The following CCSER2 variants were observed in gnomAD, a reference collection of about 807,000 sequenced individuals.
CCSER2 encodes the protein serine-rich coiled-coil domain-containing protein 2.
In CCSER2, 46 loss-of-function variants were observed where a neutral mutation model predicts 92.3. The observed-to-expected ratio is 0.50, with a 90% CI of 0.39 to 0.64. The LOEUF is 0.64. CCSER2 is among the 30% of genes least tolerant of loss of function. CCSER2 has a pLI of 0.00. For missense variants in CCSER2, 1,244 were observed against 1,238.9 expected (o/e 1.00, Z -0.06); for synonymous variants, 433 against 431.4 (o/e 1.00, Z -0.04).
intron 6 of CCSER2, among the ~76,000 whole-genome samples, chr10:84,449,525 T>C (rs1301405083): frequency 6.6e-6 from 1 of 152,174 alleles, no homozygotes. Flanking sequence ...ACTTCAGGAC[T>C]GTTGTGAAGA....
intron 1 of CCSER2, among the ~76,000 whole-genome samples, chr10:84,335,588 T>C (rs754027209): frequency 5.9e-5 from 9 of 152,092 alleles, no homozygotes; most frequent in Non-Finnish European, 1.0e-4. Flanking sequence ...TCCTGTTTTT[T>C]TGAGTTGCCT....
chr10:84,361,507 A>G (rs1589442345), intron 1 of CCSER2, among the ~76,000 whole-genome samples: 1 of 152,144 alleles, frequency 6.6e-6, no homozygotes, highest in East Asian at 1.9e-4. Flanking sequence ...ATGGAATCAC[A>G]CTATATTTAT....
intron 9 of CCSER2, among the ~76,000 whole-genome samples, chr10:84,483,222 G>A (rs1423140782): frequency 3.3e-5 from 5 of 152,006 alleles, no homozygotes; most frequent in South Asian, 2.1e-4. Context: ...GAGAAACCCC[G>A]TCTCTACTAA....
At chr10:84,486,770 A>G (rs959386772) in intron 9 of CCSER2, among the ~76,000 whole-genome samples, 9 of 152,040 alleles carry the variant, frequency 5.9e-5, no homozygotes, top group East Asian at 1.9e-4. Flanking sequence ...TGTCTATTTT[A>G]GCTTTTATTG....
At chr10:84,445,006 A>G (rs1158658505) in intron 6 of CCSER2, among the ~76,000 whole-genome samples, 2 of 152,222 alleles carry the variant, frequency 1.3e-5, no homozygotes, top group Non-Finnish European at 2.9e-5. Context: ...TGTAGAGTGC[A>G]TTTTAAACTC....
intron 9 of CCSER2, among the ~76,000 whole-genome samples, chr10:84,496,317 G>A (rs557094459): frequency 6.6e-6 from 1 of 152,188 alleles, no homozygotes; most frequent in Admixed American, 6.5e-5. Flanking sequence ...ACGGAGTCTC[G>A]CTCTGTCGCC....
In CCSER2 at chr10:84,371,446, G is replaced by T. The variant is rs373752220; in HGVS notation, c.394G>T (p.Val132Leu). The change falls in exon 2 of 10, where the codon GTG (valine) becomes TTG (leucine). Residue 132 changes from valine to leucine, a missense_variant. Val to Leu is a conservative substitution (Grantham distance 32). Coordinates refer to ENST00000372088, the MANE Select transcript of CCSER2 (RefSeq NM_001284240.2). The stretch of plus-strand genomic sequence containing the variant: ...GTTAGCAAAGCCATCCACTATGTTT[G>T]TGTCATCTACAGAGGAGTTAAACCA... ...SKLAKPSTMF[V>L]SSTEELNQKS... 2.5e-6 allele frequency: 4 copies of T among 1,613,678 alleles called. No homozygotes were observed. In the African/African-American group the frequency reaches 5.3e-5, roughly 22 times the overall value.
chr10:84,498,585 T>A (rs935227323), intron 9 of CCSER2, among the ~76,000 whole-genome samples: 4 of 152,110 alleles, frequency 2.6e-5, no homozygotes, highest in Admixed American at 2.6e-4. Flanking sequence ...GTGAGAAAAA[T>A]TTTTTTCATT....
intron 7 of CCSER2, among the ~76,000 whole-genome samples, chr10:84,465,292 A>T (rs1337206403): frequency 1.6e-5 from 2 of 124,052 alleles, no homozygotes; most frequent in Non-Finnish European, 1.7e-5. Flanking sequence ...TGTGTGTGTG[A>T]AAAAGTTTTT....
intron 8 of CCSER2, among the ~76,000 whole-genome samples, 199 bp downstream of exon 8, chr10:84,470,657 A>G (rs879268960): frequency 2.0e-5 from 3 of 152,108 alleles, no homozygotes; most frequent in Non-Finnish European, 4.4e-5. Context: ...TTGGTTTGGA[A>G]AATTCTTCAT....
intron 3 of CCSER2, among the ~76,000 whole-genome samples, chr10:84,415,277 T>C (rs374752605): frequency 2.0e-5 from 3 of 152,254 alleles, no homozygotes; most frequent in African/African-American, 4.8e-5. Context: ...CTCATATTTA[T>C]GGGCTTATCT....
intron 4 of CCSER2, among the ~76,000 whole-genome samples, chr10:84,419,559 A>C (rs971584120): frequency 2.0e-5 from 3 of 152,104 alleles, no homozygotes; most frequent in African/African-American, 7.2e-5. Flanking sequence ...TGCATGTATA[A>C]TTCTGTAAGG....
In CCSER2 at chr10:84,371,910, G is replaced by A. The variant is rs1402802984; in HGVS notation, c.858G>A (p.Leu286=). Residue 286 remains leucine, a synonymous_variant, in exon 2 of 10, where the codon TTG becomes TTA. Coordinates refer to ENST00000372088, the MANE Select transcript of CCSER2 (RefSeq NM_001284240.2). ...AAGTACTCAATGGGAATGAACATTT[G>A]GGGTATGGATTTAATAGGCCTTATG... ...QPEVLNGNEH[L]GYGFNRPYAA... 6.2e-7 allele frequency: 1 copy of A among 1,613,850 alleles called. No individual in the cohort carries two copies. The highest frequency in any genetic ancestry group is 2.2e-5 in the East Asian group (1 of 44,870).
intron 7 of CCSER2, among the ~76,000 whole-genome samples, chr10:84,469,626 C>G (rs1324124014): frequency 6.6e-6 from 1 of 152,102 alleles, no homozygotes; most frequent in Non-Finnish European, 1.5e-5. Context: ...ATATTACCTT[C>G]TCTTTTGGAT....
chr10:84,414,763 C>A (rs1035951202), intron 3 of CCSER2, among the ~76,000 whole-genome samples: 1 of 152,196 alleles, frequency 6.6e-6, no homozygotes, highest in Non-Finnish European at 1.5e-5. Context: ...TCCATTCTCC[C>A]CATCTCTTTC....
chr10:84,398,268 T>C (rs1347528436), intron 3 of CCSER2, among the ~76,000 whole-genome samples: 1 of 152,144 alleles, frequency 6.6e-6, no homozygotes, highest in Non-Finnish European at 1.5e-5. Context: ...GTCTTCTGCC[T>C]CCCTCTTCCA....
intron 6 of CCSER2, among the ~76,000 whole-genome samples, chr10:84,449,842 C>T (rs1030002066): frequency 5.9e-5 from 9 of 152,072 alleles, no homozygotes; most frequent in African/African-American, 1.2e-4. Context: ...AGCAAAACTC[C>T]GTCTCAAAAA....
chr10:84,347,415 C>T (rs937825432), intron 1 of CCSER2, among the ~76,000 whole-genome samples: 80 of 148,088 alleles, frequency 5.4e-4, no homozygotes, highest in African/African-American at 1.8e-3. Flanking sequence ...GGGGTGCTGA[C>T]CCCCCACCTC....
At chr10:84,505,672 T>C (rs1849003540) in intron 9 of CCSER2, among the ~76,000 whole-genome samples, 2 of 152,186 alleles carry the variant, frequency 1.3e-5, no homozygotes, top group Admixed American at 1.3e-4. Flanking sequence ...TATGGTATTT[T>C]GTACCTTTTC....
Sources: allele counts gnomAD v4.1 joint callset (sites outside exome capture counted in the v4.1 genomes callset), GRCh38; gene constraint gnomAD v4.1.1; transcripts MANE v1.5; gene names NCBI Gene and HGNC (gene_info 2026-07-23, HGNC 2026-07-21).